TBC1D12: variants seen among roughly 807,000 people sequenced by gnomAD.
The protein encoded by TBC1D12 is TBC1 domain family member 12.
TBC1D12 carries 56 observed loss-of-function variants against 86.7 expected under a neutral mutation model. That is an observed-to-expected ratio of 0.65 (90% CI 0.52 to 0.81). TBC1D12 has a LOEUF of 0.81. Among genes scored for constraint, TBC1D12 ranks in the 30% least tolerant of loss-of-function variants. The probability of loss-of-function intolerance (pLI) is 0.00; values close to 1 mark genes in which losing one functional copy is unlikely to be tolerated. For synonymous variants in TBC1D12, 421 were observed against 411.7 expected (o/e 1.02, Z -0.27); for missense variants, 1,023 against 1,038.8 (o/e 0.98, Z 0.21).
At chr10:94,439,323 AT>A (rs1365492274) in intron 1 of TBC1D12, among the ~76,000 whole-genome samples, 2 of 152,038 alleles carry the variant, frequency 1.3e-5, no homozygotes, top group Non-Finnish European at 2.9e-5. Context: ...TCTTGTGTTT[AT>A]TTGTGTGGGT....
intron 2 of TBC1D12, among the ~76,000 whole-genome samples, chr10:94,452,617 T>C (rs1235228313): frequency 1.3e-5 from 2 of 152,180 alleles, no homozygotes; most frequent in African/African-American, 4.8e-5. Context: ...GCTTGATAGC[T>C]CATTTCTTTT....
chr10:94,481,045 C>CTT (rs769709070), intron 3 of TBC1D12, among the ~76,000 whole-genome samples: 182 of 126,980 alleles, frequency 1.4e-3, no homozygotes, highest in Middle Eastern at 4.4e-3. Context: ...TGAAAGGAAT[C>CTT]TTTTTTTTTT....
chr10:94,461,554 A>G (rs896122475), intron 2 of TBC1D12, among the ~76,000 whole-genome samples: 1 of 152,230 alleles, frequency 6.6e-6, no homozygotes, highest in Non-Finnish European at 1.5e-5. Flanking sequence ...TCCTGGAAAT[A>G]AAACTCACGA....
chr10:94,412,494 T>C (rs937670732), intron 1 of TBC1D12, among the ~76,000 whole-genome samples: 1 of 152,230 alleles, frequency 6.6e-6, no homozygotes, highest in Non-Finnish European at 1.5e-5. Flanking sequence ...GTCTTGAAGC[T>C]TTGACTAAAA....
chr10:94,534,301 G>T lies in TBC1D12; in HGVS notation c.*1205G>T, dbSNP rs1842501432. 6.6e-6 allele frequency: 1 copy of T among 151,950 alleles called. No individual in the cohort carries two copies. The highest frequency in any genetic ancestry group is 2.4e-5 in the African/African-American group (1 of 41,370). 9.4% of individuals were successfully genotyped at this position (151,950 alleles called of 1,614,324 possible). A position where few individuals can be genotyped will look rare whatever the true frequency, so the allele number is the denominator to read the frequency against. On this transcript the variant is annotated 3_prime_UTR_variant, in exon 13 of 13. Transcript: ENST00000225235. ...ATCCTCATCTTCTTTACTCATCATTGCTTTCTTCAAGGAAGGTCTTGATAC... is the reference window on the plus strand; with the variant it reads ...ATCCTCATCTTCTTTACTCATCATTTCTTTCTTCAAGGAAGGTCTTGATAC...
intron 6 of TBC1D12, among the ~76,000 whole-genome samples, chr10:94,504,725 G>A (rs1034823226): frequency 7.9e-5 from 12 of 152,128 alleles, no homozygotes; most frequent in Non-Finnish European, 1.5e-4. Context: ...CTGTAAAATA[G>A]GGGTAAGAAT....
intron 5 of TBC1D12, among the ~76,000 whole-genome samples, chr10:94,498,220 A>G (rs938953518): frequency 3.3e-5 from 5 of 152,338 alleles, no homozygotes; most frequent in Non-Finnish European, 7.4e-5. Context: ...ATATAAATGT[A>G]TTAGAAGATG....
chr10:94,511,803 C>G (rs944919132), intron 9 of TBC1D12, 149 bp downstream of exon 9: 7 of 635,996 alleles, frequency 1.1e-5, no homozygotes, highest in Non-Finnish European at 1.9e-5. Flanking sequence ...AAGAATCTTT[C>G]TATCTCTTGC....
At chr10:94,482,227 A>T (rs2056087529) in intron 3 of TBC1D12, among the ~76,000 whole-genome samples, 1 of 152,144 alleles carries the variant, frequency 6.6e-6, no homozygotes, top group Admixed American at 6.5e-5. Flanking sequence ...CTCATCATTT[A>T]GCTCTCACTT....
At chr10:94,459,226 A>G (rs1027534931) in intron 2 of TBC1D12, among the ~76,000 whole-genome samples, 10 of 152,078 alleles carry the variant, frequency 6.6e-5, no homozygotes, top group African/African-American at 2.4e-4. Flanking sequence ...GCTAGACACA[A>G]AAGTTCGCCA....
At chr10:94,507,186 A>T in intron 6 of TBC1D12, 81 bp from the exon 7 acceptor site, 1 of 1,367,652 alleles carries the variant, frequency 7.3e-7, no homozygotes, top group South Asian at 1.3e-5. Flanking sequence ...GACCTGTAAT[A>T]GGTAAAGAGT....
At chr10:94,443,337 A>G (rs2055408366) in intron 2 of TBC1D12, among the ~76,000 whole-genome samples, 1 of 151,972 alleles carries the variant, frequency 6.6e-6, no homozygotes. Flanking sequence ...GAGACTTGGT[A>G]TTGCTATGTT....
intron 2 of TBC1D12, among the ~76,000 whole-genome samples, chr10:94,463,029 A>G (rs903465100): frequency 1.3e-5 from 2 of 152,150 alleles, no homozygotes; most frequent in Non-Finnish European, 1.5e-5. Flanking sequence ...TTAAGCTACA[A>G]ATTTTCCTCT....
Position 94,403,169 on chromosome 10 carries a change from G to A in TBC1D12, c.556G>A (p.Gly186Arg). 1 of 1,456,198 alleles carries A rather than the reference G, an allele frequency of 6.9e-7. No homozygotes were observed. Among genetic ancestry groups the A allele is most frequent in the Non-Finnish European group, 9.0e-7 (1 of 1,109,280 alleles). 90.2% of individuals were successfully genotyped at this position (1,456,198 alleles called of 1,614,324 possible). ...TGGCGACGAGGACGCGGACGGCGCGGGAAGCCCGTCCGATTGGGCCTCTCC... is the reference window on the plus strand; with the variant it reads ...TGGCGACGAGGACGCGGACGGCGCGAGAAGCCCGTCCGATTGGGCCTCTCC... ...GPGDEDADGA[G>R]SPSDWASPLE... The change falls in exon 1 of 13, where the codon GGA (glycine) becomes AGA (arginine). Residue 186 changes from glycine to arginine, a missense_variant. Gly to Arg is a moderately radical substitution (Grantham distance 125). Coordinates refer to ENST00000225235, the MANE Select transcript of TBC1D12 (RefSeq NM_015188.2).
intron 9 of TBC1D12, among the ~76,000 whole-genome samples, chr10:94,517,309 C>G (rs1411407104): frequency 2.0e-5 from 3 of 152,086 alleles, no homozygotes; most frequent in Non-Finnish European, 4.4e-5. Flanking sequence ...ATCCAGGAGG[C>G]AGAGGTTGCA....
At chr10:94,405,464 G>A (rs144129495) in intron 1 of TBC1D12, among the ~76,000 whole-genome samples, 1,722 of 152,242 alleles carry the variant, frequency 0.011, 20 homozygotes, top group Non-Finnish European at 0.015. Flanking sequence ...AATGACATCT[G>A]TATTTGTAAT....
chr10:94,469,447 C>CTTTTTTTT (rs71031578), intron 2 of TBC1D12, among the ~76,000 whole-genome samples: 2 of 112,558 alleles, frequency 1.8e-5, no homozygotes, highest in Non-Finnish European at 3.5e-5. Flanking sequence ...GAGTTTTTTC[C>CTTTTTTTT]TTTTTTTTTT....
intron 2 of TBC1D12, among the ~76,000 whole-genome samples, chr10:94,449,672 C>T (rs2055520883): frequency 6.6e-6 from 1 of 152,212 alleles, no homozygotes; most frequent in Non-Finnish European, 1.5e-5. Flanking sequence ...TGTGGTTTAA[C>T]ACTAACCCCT....
intron 2 of TBC1D12, among the ~76,000 whole-genome samples, chr10:94,466,244 A>G (rs2055822596): frequency 6.6e-6 from 1 of 152,116 alleles, no homozygotes; most frequent in Admixed American, 6.5e-5. Flanking sequence ...ATATTTCTGT[A>G]TTAAATGACC....
Sources: gnomAD v4.1 joint callset for allele counts (sites outside exome capture counted in the v4.1 genomes callset) on GRCh38, gnomAD v4.1.1 for gene constraint, MANE v1.5 for transcripts, NCBI Gene and HGNC (gene_info 2026-07-23, HGNC 2026-07-21) for gene names.